The following KCNT2 variants were observed in gnomAD, a reference collection of about 807,000 sequenced individuals.
The protein encoded by KCNT2 is potassium channel subfamily T member 2.
Under a neutral mutation model 153.8 loss-of-function variants are expected in KCNT2, and 67 were observed. The observed-to-expected ratio is 0.44, with a 90% CI of 0.36 to 0.53. The LOEUF (loss-of-function observed/expected upper bound fraction) is 0.53, where lower values mean the gene tolerates loss of function less well. Ranked by LOEUF, KCNT2 falls within the 20% of genes least tolerant of loss-of-function variation. The probability of loss-of-function intolerance (pLI) is 0.00; values close to 1 mark genes in which losing one functional copy is unlikely to be tolerated. For missense variants in KCNT2, 975 were observed against 1,354.8 expected, an observed-to-expected ratio of 0.72 and a Z score of 4.40; for synonymous variants, 500 against 458.8, an observed-to-expected ratio of 1.09 and a Z score of -1.15.
chr1:196,486,655 C>T (rs994011849), intron 3 of KCNT2, among the ~76,000 whole-genome samples: 8 of 151,640 alleles, frequency 5.3e-5, no homozygotes, highest in Non-Finnish European at 1.2e-4. Context: ...GGACATAATT[C>T]ATATGAAAGG....
At chr1:196,331,021 T>G in intron 18 of KCNT2, 135 bp downstream of exon 18, 1 of 594,524 alleles carries the variant, frequency 1.7e-6, no homozygotes, top group East Asian at 2.9e-5. Context: ...TTTATATAAA[T>G]TTACATTGGA....
intron 12 of KCNT2, among the ~76,000 whole-genome samples, chr1:196,405,142 C>T (rs547738725): frequency 6.6e-6 from 1 of 150,618 alleles, no homozygotes; most frequent in South Asian, 2.1e-4. Flanking sequence ...ATTAAACTAA[C>T]AAAGAAACAA....
chr1:196,321,878 C>T (rs2148048880), intron 19 of KCNT2, among the ~76,000 whole-genome samples: 1 of 152,052 alleles, frequency 6.6e-6, no homozygotes, highest in East Asian at 1.9e-4. Flanking sequence ...ACATTGTCAA[C>T]AGTGTTCATG....
At chr1:196,559,318 C>T (rs904179823) in intron 1 of KCNT2, among the ~76,000 whole-genome samples, 1 of 151,484 alleles carries the variant, frequency 6.6e-6, no homozygotes, top group Non-Finnish European at 1.5e-5. Context: ...CAATGGGATA[C>T]GTGGTATTTT....
intron 1 of KCNT2, among the ~76,000 whole-genome samples, chr1:196,597,815 T>C (rs1452227479): frequency 6.6e-6 from 1 of 152,204 alleles, no homozygotes; most frequent in Non-Finnish European, 1.5e-5. Context: ...TGAATTTCTG[T>C]GAACCACTGC....
chr1:196,243,720 G>A (rs1454198669), intron 26 of KCNT2, among the ~76,000 whole-genome samples: 1 of 152,216 alleles, frequency 6.6e-6, no homozygotes, highest in Non-Finnish European at 1.5e-5. Context: ...GTCACTGTGG[G>A]CTAAAGTGCT....
Position 196,409,073 on chromosome 1 carries a change from GTT to G in KCNT2, c.1186-10404_1186-10403del, listed in dbSNP as rs576595192. On this transcript the variant is annotated intron_variant, in intron 12 of 27. Coordinates refer to ENST00000294725, the MANE Select transcript of KCNT2 (RefSeq NM_198503.5). The stretch of plus-strand genomic sequence containing the variant: ...ATGAAGCACACACACACATTTAGGA[GTT>G]TTTTTTTTTTTAATGCATTGATCCT... Among the ~76,000 whole-genome samples, 76 of 140,298 alleles carry G rather than the reference GTT, an allele frequency of 5.4e-4. 2 individuals are homozygous for G. In the East Asian group the frequency reaches 0.015, roughly 28 times the overall value. 92.0% of individuals were successfully genotyped at this position (140,298 alleles called of 152,430 possible). A position where few individuals can be genotyped will look rare whatever the true frequency, so the allele number is the denominator to read the frequency against.
intron 4 of KCNT2, 116 bp from the exon 5 acceptor site, chr1:196,479,354 T>C (rs1678807807): frequency 1.6e-6 from 1 of 607,656 alleles, no homozygotes. Context: ...TATGGGTGTA[T>C]AATAGGACTT....
intron 8 of KCNT2, among the ~76,000 whole-genome samples, chr1:196,441,525 TTC>T (rs1269016656): frequency 6.6e-6 from 1 of 151,520 alleles, no homozygotes; most frequent in African/African-American, 2.4e-5. Flanking sequence ...GTGCTAAGTG[TTC>T]TTTCTTATAT....
intron 25 of KCNT2, among the ~76,000 whole-genome samples, chr1:196,261,159 G>T (rs969323916): frequency 6.6e-6 from 1 of 151,824 alleles, no homozygotes; most frequent in Non-Finnish European, 1.5e-5. Flanking sequence ...AGTGGAAATA[G>T]TATAGTGCTG....
At chr1:196,586,316 C>T (rs1015742720) in intron 1 of KCNT2, among the ~76,000 whole-genome samples, 1 of 151,910 alleles carries the variant, frequency 6.6e-6, no homozygotes, top group Non-Finnish European at 1.5e-5. Flanking sequence ...ATTAATCAAG[C>T]CCTTCACTTC....
chr1:196,475,750 CAA>C (rs1327970393), intron 5 of KCNT2, among the ~76,000 whole-genome samples: 2 of 152,006 alleles, frequency 1.3e-5, no homozygotes, highest in South Asian at 4.2e-4. Flanking sequence ...TTGAAGGGAC[CAA>C]AGAGATTCAC....
chr1:196,342,340 C>A (rs947971938), intron 14 of KCNT2, 112 bp from the exon 15 acceptor site: 1 of 823,398 alleles, frequency 1.2e-6, no homozygotes, highest in African/African-American at 1.8e-5. Flanking sequence ...CTGGCAAGCA[C>A]AATCCAAAGG....
intron 23 of KCNT2, among the ~76,000 whole-genome samples, chr1:196,284,334 C>G (rs1202693860): frequency 2.6e-4 from 34 of 132,918 alleles, no homozygotes; most frequent in Non-Finnish European, 5.3e-4. Flanking sequence ...TTTCCTGTAT[C>G]TCTATTTATA....
At chr1:196,483,115 C>T (rs1679140212) in intron 3 of KCNT2, among the ~76,000 whole-genome samples, 1 of 152,240 alleles carries the variant, frequency 6.6e-6, no homozygotes, top group East Asian at 1.9e-4. Context: ...ATTACATTTT[C>T]CTGAAGAGAG....
chr1:196,434,536 G>T (rs1053847185), intron 8 of KCNT2, among the ~76,000 whole-genome samples: 1 of 152,006 alleles, frequency 6.6e-6, no homozygotes, highest in African/African-American at 2.4e-5. Flanking sequence ...CCTCAGGTTC[G>T]AAAAGCTGCG....
Position 196,334,038 on chromosome 1 carries a change from T to A in KCNT2, c.1806A>T (p.Gln602His). The change falls in exon 17 of 28, where the codon CAA becomes CAT. Residue 602 changes from glutamine (Q) to histidine (H), a missense_variant. Physicochemically the swap from Gln to His is conservative, Grantham distance 24. This residue lies in a region of KCNT2 where 325 missense variants were observed against 388.1 expected (regional missense o/e 0.84). Coordinates refer to ENST00000294725, the MANE Select transcript of KCNT2 (RefSeq NM_198503.5). ...ASMGTVAIDL[Q>H]DTSCRSASGP... ...CACTTGCTGATCTACAGCTTGTATC[T>A]TGCAAGTCTATAGCCACAGTACCTA... 6.2e-7 allele frequency: 1 copy of A among 1,613,074 alleles called. No individual in the cohort carries two copies. The highest frequency in any genetic ancestry group is 8.5e-7 in the Non-Finnish European group (1 of 1,179,478).
In KCNT2 at chr1:196,364,050, G is replaced by T. The variant is rs189640856; in HGVS notation, c.1403+9090C>A. On this transcript the variant is annotated intron_variant, in intron 14 of 27. Transcript: ENST00000294725. ...AAGAGAAATAACAACTAAAGGCAAT[G>T]CAGGATCTTAGAGTTGTGGAACAGA... 5.6e-3 allele frequency among the ~76,000 whole-genome samples: 854 copies of T among 152,102 alleles called. 7 individuals carry two copies. The highest frequency in any genetic ancestry group is 0.019 in the African/African-American group (771 of 41,500).
At chr1:196,366,160 TA>T (rs1668021197) in intron 14 of KCNT2, among the ~76,000 whole-genome samples, 1 of 151,396 alleles carries the variant, frequency 6.6e-6, no homozygotes, top group Non-Finnish European at 1.5e-5. Flanking sequence ...TTTATTTAAT[TA>T]TTATTTTTTT....
Sources: gnomAD v4.1 joint callset for allele counts (sites outside exome capture counted in the v4.1 genomes callset) on GRCh38, gnomAD v4.1.1 for gene constraint, gnomAD v4.1.1 regional missense constraint, MANE v1.5 for transcripts, NCBI Gene and HGNC (gene_info 2026-07-23, HGNC 2026-07-21) for gene names.